Variants in DCHS2 observed in about 807,000 individuals in gnomAD.
DCHS2 encodes dachsous cadherin-related 2.
DCHS2 carries 142 observed loss-of-function variants against 182.4 expected under a neutral mutation model. The ratio of observed to expected loss-of-function variants is 0.78; its 90% CI spans 0.68 to 0.89. DCHS2 has a LOEUF of 0.89. Among genes scored for constraint, DCHS2 ranks in the 40% least tolerant of loss-of-function variants. The pLI, the probability that DCHS2 is intolerant of heterozygous loss-of-function variation, is 0.00. For missense variants in DCHS2, 4,319 were observed against 4,198.6 expected, an observed-to-expected ratio of 1.03 and a Z score of -0.79; for synonymous variants, 1,740 against 1,663.3, an observed-to-expected ratio of 1.05 and a Z score of -1.12.
chr4:154,409,631 C>G (rs1196801911), intron 1 of DCHS2, among the ~76,000 whole-genome samples: 1 of 152,112 alleles, frequency 6.6e-6, no homozygotes, highest in East Asian at 1.9e-4. Context: ...GACCCTGGTG[C>G]CACAATAGGC....
chr4:154,376,946 A>G (rs112220636), intron 2 of DCHS2, among the ~76,000 whole-genome samples: 7 of 152,322 alleles, frequency 4.6e-5, no homozygotes, highest in African/African-American at 1.7e-4. Context: ...AAAGAAACCA[A>G]CTATAAAAGA....
At chr4:154,276,861 T>TC (rs1260727312) in intron 13 of DCHS2, among the ~76,000 whole-genome samples, 11 of 152,184 alleles carry the variant, frequency 7.2e-5, no homozygotes, top group Admixed American at 2.6e-4. Flanking sequence ...TTGCATTTAA[T>TC]CCCCAGTGGA....
intron 3 of DCHS2, among the ~76,000 whole-genome samples, chr4:154,342,803 C>A (rs1729169889): frequency 6.6e-6 from 1 of 152,118 alleles, no homozygotes; most frequent in African/African-American, 2.4e-5. Flanking sequence ...TGTTAACCTC[C>A]CTCCATGAAT....
chr4:154,425,211 G>A lies in DCHS2; in HGVS notation c.2053-47767C>T, dbSNP rs951054409. On this transcript the variant is annotated intron_variant, in intron 1 of 19. Transcript: ENST00000357232. Reference sequence around the variant, plus strand: ...CAAAGTCACAGCTGAATGAAAGGATGAACTTCTTTTCAAGGCTCCAGCCCC... The same window carrying A: ...CAAAGTCACAGCTGAATGAAAGGATAAACTTCTTTTCAAGGCTCCAGCCCC... Among the ~76,000 whole-genome samples, 6 of 152,262 alleles carry A rather than the reference G, an allele frequency of 3.9e-5. 1 individual carries two copies. In the East Asian group the frequency reaches 1.2e-3, roughly 29 times the overall value.
At chr4:154,337,874 G>A (rs1728889704) in intron 3 of DCHS2, among the ~76,000 whole-genome samples, 2 of 152,068 alleles carry the variant, frequency 1.3e-5, no homozygotes, top group Admixed American at 6.5e-5. Flanking sequence ...CCGAGTAGCT[G>A]GGATTACAGG....
chr4:154,426,103 A>G (rs1353399106), intron 1 of DCHS2, among the ~76,000 whole-genome samples: 1 of 152,022 alleles, frequency 6.6e-6, no homozygotes, highest in African/African-American at 2.4e-5. Context: ...CCAGAACTAC[A>G]AGCCAGACTC....
chr4:154,384,447 C>T (rs1392870378), intron 1 of DCHS2: 5 of 1,606,466 alleles, frequency 3.1e-6, no homozygotes, highest in African/African-American at 1.3e-5. Flanking sequence ...CTCGGGACTA[C>T]CTCTTTTCAA....
chr4:154,266,827 A>G (rs1733296562), intron 14 of DCHS2, among the ~76,000 whole-genome samples: 1 of 152,158 alleles, frequency 6.6e-6, no homozygotes, highest in South Asian at 2.1e-4. Context: ...AAATTTCAGT[A>G]ATGTCTACAT....
chr4:154,323,370 C>G (rs890740687), intron 7 of DCHS2: 10 of 1,540,198 alleles, frequency 6.5e-6, no homozygotes, highest in Non-Finnish European at 8.7e-6. Flanking sequence ...CTTTCTGTTA[C>G]CCAGGCTGGA....
chr4:154,454,290 C>T (rs1460987013), intron 1 of DCHS2, among the ~76,000 whole-genome samples: 1 of 152,118 alleles, frequency 6.6e-6, no homozygotes, highest in Non-Finnish European at 1.5e-5. Flanking sequence ...ATCACCCAGG[C>T]TGAAGTTCAG....
rs75947906 is a variant in DCHS2 at position 154,268,239 on chromosome 4, C to A, written c.6577+1661G>T. Among the ~76,000 whole-genome samples, 869 of 148,682 alleles carry A rather than the reference C, an allele frequency of 5.8e-3. 3 individuals are homozygous for A. Among genetic ancestry groups the A allele is most frequent in the East Asian group, 0.043 (215 of 4,952 alleles). On this transcript the variant is annotated intron_variant, in intron 14 of 19. Coordinates refer to ENST00000357232, the MANE Select transcript of DCHS2 (RefSeq NM_001358235.2). ...CTTTCACCTTTCACTTTCCCCCCCCCAAAAAAATAACGCTTTACCACTTCT... is the reference window on the plus strand; with the variant it reads ...CTTTCACCTTTCACTTTCCCCCCCCAAAAAAAATAACGCTTTACCACTTCT...
intron 5 of DCHS2, chr4:154,331,498 G>C: frequency 6.9e-7 from 1 of 1,446,328 alleles, no homozygotes. Context: ...AGTTTAGGGA[G>C]TGAATGAGAG....
chr4:154,404,351 A>T (rs1184566759), intron 1 of DCHS2, among the ~76,000 whole-genome samples: 1 of 152,126 alleles, frequency 6.6e-6, no homozygotes, highest in Non-Finnish European at 1.5e-5. Context: ...ATGGTTATTT[A>T]TTTCTAATTT....
intron 2 of DCHS2, 149 bp downstream of exon 2, chr4:154,377,104 T>G: frequency 1.5e-6 from 1 of 683,268 alleles, no homozygotes; most frequent in Non-Finnish European, 2.3e-6. Context: ...ATGCTGGATA[T>G]TTGCTTCAAA....
At chr4:154,433,391 T>C (rs975966452) in intron 1 of DCHS2, among the ~76,000 whole-genome samples, 3 of 124,942 alleles carry the variant, frequency 2.4e-5, no homozygotes, top group African/African-American at 8.3e-5. Context: ...GTTTTTTTTT[T>C]TTCCTTTTTT....
rs1375208037 is a variant in DCHS2, at chr4:154,289,562, A to G, written c.6463+8289T>C. ...AAAGTATTCCAAAAAATAAAGCAAG[A>G]GAGAATACTACCAAACTCATTCTAC... is the stretch of plus-strand genomic sequence containing the variant. On this transcript the variant is annotated intron_variant, in intron 13 of 19. Transcript: ENST00000357232. 2.0e-5 allele frequency among the ~76,000 whole-genome samples: 3 copies of G among 152,112 alleles called. No individual in the cohort carries two copies. In the East Asian group the frequency reaches 5.8e-4, roughly 29 times the overall value.
At position 154,242,755 on chromosome 4, in the gene DCHS2, G is replaced by A; in HGVS notation, c.6959C>T (p.Thr2320Ile). The change falls in exon 17 of 20, where the codon ACA becomes ATA. Residue 2320 changes from threonine to isoleucine, a missense_variant. Physicochemically the swap from Thr to Ile is moderately conservative, Grantham distance 89. Coordinates refer to ENST00000357232, the MANE Select transcript of DCHS2 (RefSeq NM_001358235.2). ...TSSYSLIVQA[T>I]DKGMPRLSNT... is the part of the protein sequence containing the mutation. ...AGAAAGCCTGGGCATCCCTTTATCT[G>A]TGGCTTGGACAATCAAGCTGGTTTG... is the stretch of plus-strand genomic sequence containing the variant. The A allele has an allele frequency of 3.1e-6, 5 of 1,611,092 alleles. No individual in the cohort carries two copies. The highest frequency in any genetic ancestry group is 4.2e-6 in the Non-Finnish European group (5 of 1,178,658).
chr4:154,435,678 C>A (rs1196729684), intron 1 of DCHS2, among the ~76,000 whole-genome samples: 2 of 151,774 alleles, frequency 1.3e-5, no homozygotes, highest in Non-Finnish European at 2.9e-5. Context: ...AAAAAGGGTA[C>A]AGATTTTATA....
intron 5 of DCHS2, among the ~76,000 whole-genome samples, chr4:154,332,079 C>T (rs1025446197): frequency 3.3e-5 from 5 of 152,074 alleles, no homozygotes; most frequent in African/African-American, 7.2e-5. Context: ...TACGTTTTGA[C>T]GTTTTTTAAA....
Sources: allele counts gnomAD v4.1 joint callset (sites outside exome capture counted in the v4.1 genomes callset), GRCh38; gene constraint gnomAD v4.1.1; transcripts MANE v1.5; gene names NCBI Gene and HGNC (gene_info 2026-07-23, HGNC 2026-07-21).